Variants in HOOK3 observed in about 807,000 individuals in gnomAD.
HOOK3 encodes protein Hook homolog 3.
Under a neutral mutation model 116.3 loss-of-function variants are expected in HOOK3, and 24 were observed. The ratio of observed to expected loss-of-function variants is 0.21; its 90% confidence interval spans 0.15 to 0.29. The LOEUF (loss-of-function observed/expected upper bound fraction) is 0.29, where lower values mean the gene tolerates loss of function less well. Ranked by LOEUF, HOOK3 falls within the 10% of genes least tolerant of loss-of-function variation. HOOK3 has a pLI of 1.00. For synonymous variants in HOOK3, 275 were observed against 283.0 expected (o/e 0.97, Z 0.28); for missense variants, 632 against 830.2 (o/e 0.76, Z 2.93).
intron 2 of HOOK3, among the ~76,000 whole-genome samples, chr8:42,923,419 T>A (rs1807702466): frequency 6.6e-6 from 1 of 152,200 alleles, no homozygotes; most frequent in African/African-American, 2.4e-5. Context: ...TAGCCCAAGT[T>A]ACATCAGCTA....
At chr8:42,904,984 T>G (rs1004624048) in intron 1 of HOOK3, among the ~76,000 whole-genome samples, 2 of 152,244 alleles carry the variant, frequency 1.3e-5, no homozygotes, top group Admixed American at 6.5e-5. Flanking sequence ...CTGAGTACAC[T>G]ACTGGGTAGC....
chr8:43,027,450 T>G lies in HOOK3; in HGVS notation c.*8952T>G, dbSNP rs1809952163. ...GTAGATGAGAGACATGCTTTTAAAG[T>G]ACAAAACGTTTCTCTTCTACCTTAC... On this transcript the variant is annotated 3_prime_UTR_variant, in exon 22 of 22. Coordinates refer to ENST00000307602, the MANE Select transcript of HOOK3 (RefSeq NM_032410.4). 2 of 479,142 alleles carry G rather than the reference T, an allele frequency of 4.2e-6. No individual in the cohort carries two copies. The highest frequency in any genetic ancestry group is 8.2e-6 in the Non-Finnish European group (2 of 244,406). 29.7% of individuals were successfully genotyped at this position (479,142 alleles called of 1,614,324 possible). A position where few individuals can be genotyped will look rare whatever the true frequency, so the allele number is the denominator to read the frequency against.
In HOOK3 at chr8:43,019,179, C is replaced by T; in HGVS notation, c.*681C>T. On this transcript the variant is annotated 3_prime_UTR_variant, in exon 22 of 22. Transcript: ENST00000307602. Reference sequence around the variant, plus strand: ...TAAATACATAAAATTTCATTATTTCCTGCTATCTTGTTTGCTGGCAGAAGT... The same window carrying T: ...TAAATACATAAAATTTCATTATTTCTTGCTATCTTGTTTGCTGGCAGAAGT... 1 of 210,198 alleles carries T rather than the reference C, an allele frequency of 4.8e-6. No homozygotes were observed. The highest frequency in any genetic ancestry group is 9.7e-6 in the Non-Finnish European group (1 of 103,548). 13.0% of individuals were successfully genotyped at this position (210,198 alleles called of 1,614,324 possible). A position where few individuals can be genotyped will look rare whatever the true frequency, so the allele number is the denominator to read the frequency against.
At chr8:42,945,746 A>C (rs1237138069) in intron 5 of HOOK3, among the ~76,000 whole-genome samples, 1 of 152,228 alleles carries the variant, frequency 6.6e-6, no homozygotes, top group Non-Finnish European at 1.5e-5. Flanking sequence ...AATGGAATGT[A>C]AATTAGTAAA....
intron 2 of HOOK3, among the ~76,000 whole-genome samples, chr8:42,918,949 G>A (rs563072343): frequency 6.6e-6 from 1 of 152,342 alleles, no homozygotes; most frequent in African/African-American, 2.4e-5. Flanking sequence ...TCCCAGGCGG[G>A]GTGGCGGCCG....
At chr8:42,985,057 A>G (rs777982988) in intron 14 of HOOK3, among the ~76,000 whole-genome samples, 36 of 152,224 alleles carry the variant, frequency 2.4e-4, no homozygotes, top group Non-Finnish European at 4.8e-4. Context: ...ACAGTGGGTT[A>G]ATATTTGATA....
intron 4 of HOOK3, among the ~76,000 whole-genome samples, chr8:42,940,301 G>A (rs984831738): frequency 7.2e-5 from 11 of 152,234 alleles, no homozygotes; most frequent in African/African-American, 2.4e-4. Flanking sequence ...CCAACACAGC[G>A]AAACCCCGTC....
At chr8:42,938,708 T>A (rs1036727770) in intron 4 of HOOK3, among the ~76,000 whole-genome samples, 1 of 151,338 alleles carries the variant, frequency 6.6e-6, no homozygotes, top group South Asian at 2.1e-4. Context: ...TTTTATTTAT[T>A]TATTTATTTA....
rs866105669 is a variant in HOOK3, at chr8:42,919,079, G to T, written c.144-6478G>T. 8.6e-5 allele frequency among the ~76,000 whole-genome samples: 13 copies of T among 151,260 alleles called. No individual in the cohort carries two copies. In the South Asian group the frequency reaches 2.5e-3, roughly 29 times the overall value. ...CACCTCCCGGACGGGGCGGCTGGCC[G>T]GGCGGGGGCTGCCCCCCATCACCCA... On this transcript the variant is annotated intron_variant, in intron 2 of 21. Transcript: ENST00000307602.
chr8:42,953,986 G>C lies in HOOK3; in HGVS notation c.469-3108G>C, dbSNP rs562877820. Among the ~76,000 whole-genome samples the C allele has an allele frequency of 8.0e-4, 122 of 152,204 alleles. 1 individual carries two copies. The South Asian group carries it at 0.025, about 31-fold the overall frequency. ...TGCTTCAGTATTATTTCCTAGTACT[G>C]AAGCATTAGAAATAACTACCCAGTA... On this transcript the variant is annotated intron_variant, in intron 6 of 21. Coordinates refer to ENST00000307602, the MANE Select transcript of HOOK3 (RefSeq NM_032410.4).
At chr8:42,903,664 T>C (rs1253814196) in intron 1 of HOOK3, among the ~76,000 whole-genome samples, 1 of 150,960 alleles carries the variant, frequency 6.6e-6, no homozygotes, top group Non-Finnish European at 1.5e-5. Flanking sequence ...TTTAAAGATT[T>C]GATAAATGAG....
At chr8:42,953,865 A>G (rs1281257044) in intron 6 of HOOK3, among the ~76,000 whole-genome samples, 1 of 152,210 alleles carries the variant, frequency 6.6e-6, no homozygotes, top group Non-Finnish European at 1.5e-5. Context: ...TAACTTGCTC[A>G]GGTTCGCATA....
chr8:42,898,490 G>GGAGA (rs35753550), intron 1 of HOOK3, among the ~76,000 whole-genome samples: 2 of 152,064 alleles, frequency 1.3e-5, no homozygotes, highest in Non-Finnish European at 2.9e-5. Flanking sequence ...ACTAGGCAGG[G>GGAGA]GAGAGAGAGA....
chr8:42,898,179 A>G (rs1162615170), intron 1 of HOOK3, among the ~76,000 whole-genome samples: 1 of 152,264 alleles, frequency 6.6e-6, no homozygotes, highest in Admixed American at 6.5e-5. Context: ...TTTGCTGGAA[A>G]GGCTGGAGAA....
chr8:42,979,730 C>T (rs750519884), intron 13 of HOOK3, among the ~76,000 whole-genome samples: 13 of 152,154 alleles, frequency 8.5e-5, no homozygotes, highest in Non-Finnish European at 1.9e-4. Flanking sequence ...CACTCTCCTT[C>T]GTTATTCTCT....
chr8:42,952,355 A>C (rs1226683592), intron 6 of HOOK3, among the ~76,000 whole-genome samples: 1 of 152,222 alleles, frequency 6.6e-6, no homozygotes, highest in Non-Finnish European at 1.5e-5. Context: ...TCCCAAATGC[A>C]GTTTTGTTTT....
At chr8:42,985,105 T>C (rs1365814695) in intron 14 of HOOK3, among the ~76,000 whole-genome samples, 1 of 152,164 alleles carries the variant, frequency 6.6e-6, no homozygotes, top group South Asian at 2.1e-4. Flanking sequence ...AAATTGGAGA[T>C]CTCATAAACT....
rs912406076 is a variant in HOOK3, at chr8:43,020,305, G to A, written c.*1807G>A. ...GAGTAGAACTGCTGTAGGGCTTCAG[G>A]AGGCTACGCAGACCTGATCAACTGC... On this transcript the variant is annotated 3_prime_UTR_variant, in exon 22 of 22. Transcript: ENST00000307602. 5.0e-6 allele frequency: 1 copy of A among 200,244 alleles called. No individual in the cohort carries two copies. 12.4% of individuals were successfully genotyped at this position (200,244 alleles called of 1,614,324 possible). A position where few individuals can be genotyped will look rare whatever the true frequency, so the allele number is the denominator to read the frequency against.
In HOOK3 at chr8:43,011,056, G is replaced by A. The variant is rs575019185; in HGVS notation, c.1839+651G>A. ...CGCCCAGGCTGGAGTACAGTGGCAC[G>A]ATCTTGGCTCACTGCAAGCTCCGCC... On this transcript the variant is annotated intron_variant, in intron 19 of 21. Transcript: ENST00000307602. 2.0e-4 allele frequency among the ~76,000 whole-genome samples: 31 copies of A among 151,742 alleles called. No homozygotes were observed. The South Asian group carries it at 5.6e-3, about 28-fold the overall frequency.
Sources: gnomAD v4.1 joint callset for allele counts (sites outside exome capture counted in the v4.1 genomes callset) on GRCh38, gnomAD v4.1.1 for gene constraint, MANE v1.5 for transcripts, NCBI Gene and HGNC (gene_info 2026-07-23, HGNC 2026-07-21) for gene names.